The following ZBTB20 variants were observed in gnomAD, a reference collection of about 807,000 sequenced individuals.
The protein encoded by ZBTB20 is zinc finger and BTB domain containing 20, also known as zinc finger and BTB domain-containing protein 20.
A neutral mutation model predicts 56.9 loss-of-function variants in ZBTB20; 9 were observed. That is an observed-to-expected ratio of 0.16 (90% CI 0.10 to 0.28). The LOEUF is 0.28. Among genes scored for constraint, ZBTB20 ranks in the 10% least tolerant of loss-of-function variants. The pLI, the probability that ZBTB20 is intolerant of heterozygous loss-of-function variation, is 1.00. For synonymous variants in ZBTB20, 417 were observed against 420.7 expected (o/e 0.99, Z 0.11); for missense variants, 655 against 1,003.0 (o/e 0.65, Z 4.69).
chr3:114,475,469 G>A (rs907041690), intron 7 of ZBTB20, among the ~76,000 whole-genome samples: 18 of 152,200 alleles, frequency 1.2e-4, no homozygotes, highest in Admixed American at 1.0e-3. Context: ...ACAAGTGCAC[G>A]ACTCACAATA....
At chr3:114,393,738 A>C (rs541195643) in intron 7 of ZBTB20, among the ~76,000 whole-genome samples, 7 of 152,304 alleles carry the variant, frequency 4.6e-5, no homozygotes, top group African/African-American at 1.4e-4. Flanking sequence ...TGATGCCACA[A>C]ATTCTCCCTA....
intron 4 of ZBTB20, among the ~76,000 whole-genome samples, chr3:114,855,914 C>T (rs148835599): frequency 7.9e-5 from 12 of 152,268 alleles, no homozygotes; most frequent in African/African-American, 2.4e-4. Flanking sequence ...AGCTTCAAAG[C>T]GAAAGTTATG....
chr3:114,974,063 T>TAA (rs74552088), intron 3 of ZBTB20, among the ~76,000 whole-genome samples: 5 of 108,652 alleles, frequency 4.6e-5, no homozygotes, highest in Admixed American at 1.9e-4. Context: ...CCAAACCAGT[T>TAA]AAAAAAAAAA....
intron 7 of ZBTB20, among the ~76,000 whole-genome samples, chr3:114,473,006 A>C (rs1225664597): frequency 2.0e-5 from 3 of 152,200 alleles, no homozygotes; most frequent in South Asian, 2.1e-4. Flanking sequence ...GGACTTCTGA[A>C]ATGCTTATAT....
intron 6 of ZBTB20, among the ~76,000 whole-genome samples, chr3:114,592,317 C>A (rs537760790): frequency 6.6e-6 from 1 of 152,176 alleles, no homozygotes; most frequent in East Asian, 1.9e-4. Flanking sequence ...TTACATTGGG[C>A]TAAGAAAGAA....
At position 114,321,354 on chromosome 3, in the gene ZBTB20, C is replaced by T. The variant is rs2078888097; in HGVS notation, c.*17651G>A. ...GTTGCGGAGCATTCTTTAGGATTAG[C>T]TACAGACCCCAATGTCCTCTGAGTA... On this transcript the variant is annotated 3_prime_UTR_variant, in exon 12 of 12. Coordinates refer to ENST00000675478, the MANE Select transcript of ZBTB20 (RefSeq NM_001348800.3). 1 of 152,216 alleles carries T rather than the reference C, an allele frequency of 6.6e-6. No homozygotes were observed. The highest frequency in any genetic ancestry group is 1.5e-5 in the Non-Finnish European group (1 of 68,054). 9.4% of individuals were successfully genotyped at this position (152,216 alleles called of 1,614,324 possible).
At chr3:114,969,112 C>T (rs2077767013) in intron 3 of ZBTB20, among the ~76,000 whole-genome samples, 1 of 152,176 alleles carries the variant, frequency 6.6e-6, no homozygotes, top group Non-Finnish European at 1.5e-5. Flanking sequence ...TTATATCTCC[C>T]TGTTAGACTA....
chr3:114,452,075 A>G (rs1409865008), intron 7 of ZBTB20, among the ~76,000 whole-genome samples: 1 of 152,074 alleles, frequency 6.6e-6, no homozygotes, highest in Non-Finnish European at 1.5e-5. Context: ...GAAAAAGAAA[A>G]AAGAAAAAAA....
intron 3 of ZBTB20, among the ~76,000 whole-genome samples, chr3:114,910,954 G>C (rs1413140151): frequency 6.6e-6 from 1 of 152,010 alleles, no homozygotes; most frequent in African/African-American, 2.4e-5. Context: ...TGTGTTTAGA[G>C]TTCACTAAGC....
intron 5 of ZBTB20, among the ~76,000 whole-genome samples, chr3:114,702,968 AT>A (rs1356315918): frequency 6.6e-6 from 1 of 151,194 alleles, no homozygotes; most frequent in East Asian, 2.0e-4. Flanking sequence ...AAACAATGCA[AT>A]TTTTTAAATG....
intron 3 of ZBTB20, among the ~76,000 whole-genome samples, chr3:114,929,379 G>A (rs2107796498): frequency 1.3e-5 from 2 of 152,348 alleles, no homozygotes; most frequent in South Asian, 4.1e-4. Context: ...GGACCCAAGG[G>A]TGATTCTGTG....
intron 3 of ZBTB20, among the ~76,000 whole-genome samples, chr3:114,914,931 G>A (rs1276915712): frequency 1.3e-5 from 2 of 151,836 alleles, no homozygotes; most frequent in Non-Finnish European, 2.9e-5. Context: ...ACTTGGTCAT[G>A]ATGATCCTAA....
chr3:114,343,134 C>T (rs1354975241), intron 11 of ZBTB20, among the ~76,000 whole-genome samples: 1 of 146,582 alleles, frequency 6.8e-6, no homozygotes, highest in African/African-American at 2.5e-5. Context: ...TCTACCATGA[C>T]TGAAAAGTGA....
At chr3:114,837,610 A>G (rs2108984054) in intron 4 of ZBTB20, among the ~76,000 whole-genome samples, 1 of 152,234 alleles carries the variant, frequency 6.6e-6, no homozygotes, top group African/African-American at 2.4e-5. Flanking sequence ...CTACTTCATG[A>G]CTTGGACTTT....
intron 7 of ZBTB20, among the ~76,000 whole-genome samples, chr3:114,459,619 T>A (rs1427179339): frequency 6.6e-6 from 1 of 152,110 alleles, no homozygotes; most frequent in South Asian, 2.1e-4. Context: ...AAATTTTAAT[T>A]CCCTTTGTTC....
At chr3:114,361,116 T>C (rs2081829337) in intron 10 of ZBTB20, among the ~76,000 whole-genome samples, 2 of 152,206 alleles carry the variant, frequency 1.3e-5, no homozygotes, top group African/African-American at 2.4e-5. Flanking sequence ...AAGTCTCCTA[T>C]AGCTATAGCT....
chr3:114,531,460 C>T (rs962022027), intron 6 of ZBTB20, among the ~76,000 whole-genome samples: 2 of 152,184 alleles, frequency 1.3e-5, no homozygotes, highest in Non-Finnish European at 2.9e-5. Flanking sequence ...AAAGGCAAGA[C>T]ATACAGCATT....
In ZBTB20 at chr3:114,699,092, T is replaced by C. The variant is rs1488489417; in HGVS notation, c.-342-5517A>G. Reference sequence around the variant, plus strand: ...GGCAGTTATTTAGGGGTCAGTTGACTTCAGTTCCATTTTATTAGGAAAAAG... The same window carrying C: ...GGCAGTTATTTAGGGGTCAGTTGACCTCAGTTCCATTTTATTAGGAAAAAG... On this transcript the variant is annotated intron_variant, in intron 5 of 11. Coordinates refer to ENST00000675478, the MANE Select transcript of ZBTB20 (RefSeq NM_001348800.3). 4.6e-5 allele frequency among the ~76,000 whole-genome samples: 7 copies of C among 152,260 alleles called. No individual in the cohort carries two copies. In the East Asian group the frequency reaches 1.4e-3, roughly 29 times the overall value.
At position 114,351,029 on chromosome 3, in the gene ZBTB20, C is replaced by G. The variant is rs1435691482; in HGVS notation, c.1049G>C (p.Arg350Pro). 1 of 1,611,872 alleles carries G rather than the reference C, an allele frequency of 6.2e-7. No individual in the cohort carries two copies. Among genetic ancestry groups the G allele is most frequent in the Non-Finnish European group, 8.5e-7 (1 of 1,179,942 alleles). ...TTCCGTGCACTCCTCGGATTCGTTGCGTTCCAGGATCTGCACCCTTTGCTG... is the reference window on the plus strand; with the variant it reads ...TTCCGTGCACTCCTCGGATTCGTTGGGTTCCAGGATCTGCACCCTTTGCTG... ...YGQQRVQILE[R>P]NESEECTEDT... Residue 350 changes from arginine (R) to proline (P), a missense_variant, in exon 11 of 12, where the codon CGC (arginine) becomes CCC (proline). This residue lies in a region of ZBTB20 where 156 missense variants were observed against 181.0 expected (regional missense o/e 0.86). Coordinates refer to ENST00000675478, the MANE Select transcript of ZBTB20 (RefSeq NM_001348800.3).
Sources: allele counts gnomAD v4.1 joint callset (sites outside exome capture counted in the v4.1 genomes callset), GRCh38; gene constraint gnomAD v4.1.1; regional missense constraint gnomAD v4.1.1; transcripts MANE v1.5; gene names NCBI Gene and HGNC (gene_info 2026-07-23, HGNC 2026-07-21).